CEP43: variants seen among roughly 807,000 people sequenced by gnomAD.
The protein encoded by CEP43 is FGFR1 oncogene partner.
A neutral mutation model predicts 52.6 loss-of-function variants in CEP43; 36 were observed. The ratio of observed to expected loss-of-function variants is 0.68; its 90% confidence interval spans 0.52 to 0.90. CEP43 has a LOEUF of 0.90. Among genes scored for constraint, CEP43 ranks in the 40% least tolerant of loss-of-function variants. The pLI, the probability that CEP43 is intolerant of heterozygous loss-of-function variation, is 0.00. For missense variants in CEP43, 506 were observed against 472.8 expected, an observed-to-expected ratio of 1.07 and a Z score of -0.65; for synonymous variants, 192 against 172.4, an observed-to-expected ratio of 1.11 and a Z score of -0.89.
chr6:167,011,173 TA>T (rs1779976256), intron 6 of CEP43, among the ~76,000 whole-genome samples: 3 of 152,380 alleles, frequency 2.0e-5, no homozygotes, highest in Admixed American at 2.0e-4. Flanking sequence ...CATTTTCTCC[TA>T]TTAACAAGGA....
intron 10 of CEP43, among the ~76,000 whole-genome samples, chr6:167,032,040 T>C (rs1780481391): frequency 6.6e-6 from 1 of 152,168 alleles, no homozygotes; most frequent in African/African-American, 2.4e-5. Context: ...CTCTGATTGG[T>C]GTGGCTTTGG....
intron 1 of CEP43, chr6:166,999,816 G>A (rs945715123): frequency 1.8e-6 from 1 of 556,534 alleles, no homozygotes; most frequent in Non-Finnish European, 3.2e-6. Flanking sequence ...CTGGGCCCTG[G>A]AGTGCGGCCC....
chr6:167,026,722 G>C, intron 10 of CEP43, 107 bp downstream of exon 10: 2 of 688,962 alleles, frequency 2.9e-6, no homozygotes, highest in Non-Finnish European at 5.2e-6. Flanking sequence ...CCTTCCTGCT[G>C]CTGCTCATTC....
intron 10 of CEP43, among the ~76,000 whole-genome samples, chr6:167,026,825 T>C (rs139213037): frequency 1.4e-3 from 212 of 152,342 alleles, no homozygotes; most frequent in African/African-American, 4.8e-3. Context: ...TGAACCTCTG[T>C]CTTCATGGAG....
chr6:167,025,018 AG>A (rs1460642792), intron 9 of CEP43, 124 bp downstream of exon 9: 1 of 630,822 alleles, frequency 1.6e-6, no homozygotes, highest in Non-Finnish European at 2.8e-6. Flanking sequence ...TTTATCACTC[AG>A]AGATATTTCC....
intron 10 of CEP43, among the ~76,000 whole-genome samples, chr6:167,029,988 T>G (rs1780432531): frequency 6.6e-6 from 1 of 152,342 alleles, no homozygotes; most frequent in Non-Finnish European, 1.5e-5. Flanking sequence ...ACAAAGTACA[T>G]TGATCAGTTA....
intron 5 of CEP43, among the ~76,000 whole-genome samples, chr6:167,008,544 T>C (rs1292909306): frequency 6.6e-6 from 1 of 152,098 alleles, no homozygotes; most frequent in Non-Finnish European, 1.5e-5. Context: ...AACTCACTGC[T>C]GCAAGCTCCA....
Position 167,040,904 on chromosome 6 carries a change from A to G in CEP43, c.*926A>G, listed in dbSNP as rs1377378088. On this transcript the variant is annotated 3_prime_UTR_variant, in exon 13 of 13. Coordinates refer to ENST00000366847, the MANE Select transcript of CEP43 (RefSeq NM_007045.4). ...GTACATAATTTCATTGTAACCCTTA[A>G]AAATAGAGCCAATAATAGAATTTCC... 5.4e-5 allele frequency: 55 copies of G among 1,024,492 alleles called. No homozygotes were observed. Among genetic ancestry groups the G allele is most frequent in the Non-Finnish European group, 6.3e-5 (54 of 852,556 alleles). 63.5% of individuals were successfully genotyped at this position (1,024,492 alleles called of 1,614,324 possible). A position where few individuals can be genotyped will look rare whatever the true frequency, so the allele number is the denominator to read the frequency against.
At chr6:167,022,280 A>ACACG in intron 7 of CEP43, 129 bp from the exon 8 acceptor site, 1 of 639,030 alleles carries the variant, frequency 1.6e-6, no homozygotes, top group South Asian at 1.9e-5. Context: ...ACACACACAC[A>ACACG]CACACACACA....
chr6:167,015,214 T>C (rs1780067548), intron 7 of CEP43, among the ~76,000 whole-genome samples: 1 of 152,208 alleles, frequency 6.6e-6, no homozygotes, highest in South Asian at 2.1e-4. Context: ...TATTTCATTG[T>C]TGTGTTCCTG....
At position 167,040,434 on chromosome 6, in the gene CEP43, T is replaced by A. The variant is rs1052729694; in HGVS notation, c.*456T>A. On this transcript the variant is annotated 3_prime_UTR_variant, in exon 13 of 13. Transcript: ENST00000366847. ...TGATATTAGGTGGTTCTACACATAGTTGGCAAAATGACTTGGTAAATTTGT... is the reference window on the plus strand; with the variant it reads ...TGATATTAGGTGGTTCTACACATAGATGGCAAAATGACTTGGTAAATTTGT... 18 of 1,235,236 alleles carry A rather than the reference T, an allele frequency of 1.5e-5. No homozygotes were observed. The African/African-American group carries it at 2.6e-4, about 18-fold the overall frequency. 76.5% of individuals were successfully genotyped at this position (1,235,236 alleles called of 1,614,324 possible). A position where few individuals can be genotyped will look rare whatever the true frequency, so the allele number is the denominator to read the frequency against.
At chr6:167,025,239 A>G (rs1169257430) in intron 9 of CEP43, 2 of 160,162 alleles carry the variant, frequency 1.2e-5, no homozygotes, top group South Asian at 2.0e-4. Context: ...TTTGCTTTCA[A>G]TTAATTTTTA....
intron 5 of CEP43, among the ~76,000 whole-genome samples, chr6:167,009,762 G>A (rs1042834612): frequency 6.6e-6 from 1 of 151,884 alleles, no homozygotes; most frequent in Non-Finnish European, 1.5e-5. Context: ...CTTGAATCTG[G>A]GAGGCGGAGA....
chr6:167,010,827 A>G lies in CEP43; in HGVS notation c.453A>G (p.Leu151=), dbSNP rs141446033. The change falls in exon 6 of 13, where the codon CTA becomes CTG. Residue 151 remains leucine (L), a synonymous_variant. Transcript: ENST00000366847. ...AAATATTTTAGGGTGCACTTGATCTATCTGATGTACATTCTCCACCAAAGT... is the reference window on the plus strand; with the variant it reads ...AAATATTTTAGGGTGCACTTGATCTGTCTGATGTACATTCTCCACCAAAGT... ...GPTTGEGALD[L]SDVHSPPKSP... The G allele has an allele frequency of 1.5e-4, 232 of 1,576,744 alleles. 1 individual carries two copies. Among genetic ancestry groups the G allele is most frequent in the Non-Finnish European group, 9.2e-5 (107 of 1,161,026 alleles).
In CEP43 at chr6:167,040,137, C is replaced by A. The variant is rs757175949; in HGVS notation, c.*159C>A. Reference sequence around the variant, plus strand: ...TTTTTTAAAAGTAATTTTCATTTTACTAAACAAAATACTTCCTATTTGAGC... The same window carrying A: ...TTTTTTAAAAGTAATTTTCATTTTAATAAACAAAATACTTCCTATTTGAGC... On this transcript the variant is annotated 3_prime_UTR_variant, in exon 13 of 13. Coordinates refer to ENST00000366847, the MANE Select transcript of CEP43 (RefSeq NM_007045.4). The A allele has an allele frequency of 5.2e-6, 8 of 1,548,642 alleles. No individual in the cohort carries two copies. The highest frequency in any genetic ancestry group is 1.4e-5 in the African/African-American group (1 of 72,988).
chr6:167,051,043 A>G lies in CEP43; in HGVS notation c.*11065A>G, dbSNP rs1173645691. ...GCAGGGGTTTGTGTACTAAGAAACT[A>G]AATGTTTCTTGTGTACTAAGTCAGC... On this transcript the variant is annotated 3_prime_UTR_variant, in exon 13 of 13. Coordinates refer to ENST00000366847, the MANE Select transcript of CEP43 (RefSeq NM_007045.4). 2.6e-5 allele frequency: 4 copies of G among 152,126 alleles called. No homozygotes were observed. The highest frequency in any genetic ancestry group is 5.9e-5 in the Non-Finnish European group (4 of 68,022). The allele number at this position is 152,126 out of a possible 1,614,324, so 9.4% of individuals were successfully genotyped here.
intron 5 of CEP43, among the ~76,000 whole-genome samples, chr6:167,005,995 G>A (rs2128658071): frequency 6.6e-6 from 1 of 152,334 alleles, no homozygotes; most frequent in African/African-American, 2.4e-5. Context: ...TTACTTGGGT[G>A]AAACCCCAGC....
chr6:167,049,351 T>C lies in CEP43; in HGVS notation c.*9373T>C, dbSNP rs1041208919. 6.6e-6 allele frequency: 1 copy of C among 152,236 alleles called. No homozygotes were observed. Among genetic ancestry groups the C allele is most frequent in the Non-Finnish European group, 1.5e-5 (1 of 68,038 alleles). 9.4% of individuals were successfully genotyped at this position (152,236 alleles called of 1,614,324 possible). ...ACCCCAAAAAGAAACCTTGTATCCA[T>C]TGGCAGTAACTCCCTATGCTCCGCC... On this transcript the variant is annotated 3_prime_UTR_variant, in exon 13 of 13. Coordinates refer to ENST00000366847, the MANE Select transcript of CEP43 (RefSeq NM_007045.4).
chr6:167,041,636 G>A lies in CEP43; in HGVS notation c.*1658G>A. The stretch of plus-strand genomic sequence containing the variant: ...TATTTTTAATATTTGATAGGAACTA[G>A]GTTTCAGTGAAATGATTTGAAAGCA... On this transcript the variant is annotated 3_prime_UTR_variant, in exon 13 of 13. Transcript: ENST00000366847. 6.7e-6 allele frequency: 7 copies of A among 1,043,360 alleles called. No homozygotes were observed. Among genetic ancestry groups the A allele is most frequent in the Non-Finnish European group, 8.1e-6 (7 of 865,314 alleles). The allele number at this position is 1,043,360 out of a possible 1,614,324, so 64.6% of individuals were successfully genotyped here. A position where few individuals can be genotyped will look rare whatever the true frequency, so the allele number is the denominator to read the frequency against.
Sources: gnomAD v4.1 joint callset for allele counts (sites outside exome capture counted in the v4.1 genomes callset) on GRCh38, gnomAD v4.1.1 for gene constraint, MANE v1.5 for transcripts, NCBI Gene and HGNC (gene_info 2026-07-23, HGNC 2026-07-21) for gene names.